Variants in FBXL17 observed in about 807,000 individuals in gnomAD.
FBXL17 encodes the protein F-box/LRR-repeat protein 17.
A neutral mutation model predicts 66.2 loss-of-function variants in FBXL17; 22 were observed. The ratio of observed to expected loss-of-function variants is 0.33; its 90% confidence interval spans 0.24 to 0.47. FBXL17 has a LOEUF of 0.47. Ranked by LOEUF, FBXL17 falls within the 20% of genes least tolerant of loss-of-function variation. FBXL17 has a pLI of 1.00. For synonymous variants in FBXL17, 474 were observed against 400.5 expected (o/e 1.18, Z -2.19); for missense variants, 878 against 948.2 (o/e 0.93, Z 0.97).
chr5:108,077,540 A>G (rs1748599195), intron 6 of FBXL17, among the ~76,000 whole-genome samples: 2 of 151,862 alleles, frequency 1.3e-5, no homozygotes, highest in Non-Finnish European at 2.9e-5. Flanking sequence ...GCATGTGCCT[A>G]TGGTCCCAGC....
intron 5 of FBXL17, among the ~76,000 whole-genome samples, chr5:108,195,728 C>A (rs1753653648): frequency 6.6e-6 from 1 of 152,120 alleles, no homozygotes; most frequent in Admixed American, 6.6e-5. Context: ...GTGACTTGGA[C>A]CACTGTGACA....
chr5:107,876,569 G>C (rs1748620201), intron 8 of FBXL17, among the ~76,000 whole-genome samples: 1 of 152,176 alleles, frequency 6.6e-6, no homozygotes, highest in Non-Finnish European at 1.5e-5. Context: ...CTCGCAAACA[G>C]CCAGCCTGCC....
chr5:107,908,452 T>C (rs72795962), intron 7 of FBXL17, among the ~76,000 whole-genome samples: 212 of 152,292 alleles, frequency 1.4e-3, no homozygotes, highest in Non-Finnish European at 2.5e-3. Flanking sequence ...AAATATATCA[T>C]TTAAAGCTAA....
chr5:108,264,596 A>G (rs1756971200), intron 4 of FBXL17, among the ~76,000 whole-genome samples: 2 of 152,208 alleles, frequency 1.3e-5, no homozygotes, highest in Admixed American at 1.3e-4. Context: ...TCAATTAAAA[A>G]TAAATTAAAA....
intron 6 of FBXL17, among the ~76,000 whole-genome samples, chr5:108,180,731 A>G (rs1752968926): frequency 6.6e-6 from 1 of 152,168 alleles, no homozygotes; most frequent in Non-Finnish European, 1.5e-5. Flanking sequence ...ATTGATATTG[A>G]CAACAACCCT....
chr5:108,293,101 A>C (rs530129017), intron 4 of FBXL17, among the ~76,000 whole-genome samples: 49 of 151,660 alleles, frequency 3.2e-4, no homozygotes, highest in Middle Eastern at 3.4e-3. Context: ...AAAAAAACAA[A>C]AAAAAAAAAA....
intron 7 of FBXL17, among the ~76,000 whole-genome samples, chr5:107,971,031 G>C (rs1752351921): frequency 6.6e-6 from 1 of 152,162 alleles, no homozygotes; most frequent in Non-Finnish European, 1.5e-5. Flanking sequence ...TTGCAACAAT[G>C]TACAGTCAGT....
intron 7 of FBXL17, among the ~76,000 whole-genome samples, chr5:107,941,276 C>A (rs957216174): frequency 1.3e-5 from 2 of 152,128 alleles, no homozygotes; most frequent in African/African-American, 4.8e-5. Flanking sequence ...AAAAGGAAAT[C>A]AACCACTCAT....
Position 108,009,284 on chromosome 5 carries a change from T to TAGATAG in FBXL17, c.1822+11640_1822+11641insCTATCT, listed in dbSNP as rs1191647313. ...TTTTATATATATATATATATATATA[T>TAGATAG]ATATATATATATATATACATATATA... On this transcript the variant is annotated intron_variant, in intron 7 of 8. Coordinates refer to ENST00000542267, the MANE Select transcript of FBXL17 (RefSeq NM_001163315.3). Among the ~76,000 whole-genome samples, 64 of 24,560 alleles carry TAGATAG rather than the reference T, an allele frequency of 2.6e-3. 8 individuals carry two copies. Among genetic ancestry groups the TAGATAG allele is most frequent in the East Asian group, 0.015 (14 of 928 alleles). 16.1% of individuals were successfully genotyped at this position (24,560 alleles called of 152,430 possible).
intron 7 of FBXL17, among the ~76,000 whole-genome samples, chr5:108,002,750 T>C (rs1407973245): frequency 6.6e-6 from 1 of 152,176 alleles, no homozygotes; most frequent in African/African-American, 2.4e-5. Flanking sequence ...CTCAAAATAC[T>C]AATACATGCC....
At chr5:107,927,398 A>G (rs1392269436) in intron 7 of FBXL17, among the ~76,000 whole-genome samples, 1 of 152,174 alleles carries the variant, frequency 6.6e-6, no homozygotes, top group Non-Finnish European at 1.5e-5. Flanking sequence ...TGGATGTTGT[A>G]GACGGCCAAG....
intron 7 of FBXL17, among the ~76,000 whole-genome samples, chr5:108,002,009 T>C (rs762448597): frequency 1.8e-4 from 27 of 152,026 alleles, no homozygotes; most frequent in Non-Finnish European, 3.5e-4. Flanking sequence ...AATTTCAAAT[T>C]GCAAATTTCT....
chr5:108,380,981 A>G lies in FBXL17; in HGVS notation c.711T>C (p.Ala237=). The change falls in exon 1 of 9, where the codon GCT becomes GCC. Residue 237 remains alanine, a synonymous_variant. Coordinates refer to ENST00000542267, the MANE Select transcript of FBXL17 (RefSeq NM_001163315.3). ...CGGCGTCGGGGGGCCGGGGCGGCGA[A>G]GCGCCTCCCCCCGCAGGCCCTCCCC... ...GGGGGPAGGG[A]SPPRPPDAGC... is the part of the protein sequence containing the mutation. The G allele has an allele frequency of 7.4e-6, 9 of 1,214,852 alleles. No individual in the cohort carries two copies. Among genetic ancestry groups the G allele is most frequent in the Non-Finnish European group, 9.2e-6 (9 of 976,594 alleles). 75.3% of individuals were successfully genotyped at this position (1,214,852 alleles called of 1,614,324 possible).
At chr5:108,315,632 A>G (rs1046037513) in intron 4 of FBXL17, among the ~76,000 whole-genome samples, 2 of 150,324 alleles carry the variant, frequency 1.3e-5, no homozygotes, top group South Asian at 4.2e-4. Flanking sequence ...AAAAAGAGAG[A>G]AAAAAAATCC....
At position 108,279,146 on chromosome 5, in the gene FBXL17, C is replaced by T. The variant is rs148879842; in HGVS notation, c.1507-54918G>A. On this transcript the variant is annotated intron_variant, in intron 4 of 8. Coordinates refer to ENST00000542267, the MANE Select transcript of FBXL17 (RefSeq NM_001163315.3). ...AACACTGTTACTGCCATCAACAATGCCATGTCAGCCAACTCAGAGACTCGT... is the reference window on the plus strand; with the variant it reads ...AACACTGTTACTGCCATCAACAATGTCATGTCAGCCAACTCAGAGACTCGT... Among the ~76,000 whole-genome samples, 10 of 152,264 alleles carry T rather than the reference C, an allele frequency of 6.6e-5. No individual in the cohort carries two copies. The East Asian group carries it at 1.9e-3, about 29-fold the overall frequency.
chr5:107,891,824 T>C (rs1343813751), intron 7 of FBXL17, among the ~76,000 whole-genome samples: 1 of 152,190 alleles, frequency 6.6e-6, no homozygotes. Context: ...TATTAATCTT[T>C]GCGTCATCAT....
At chr5:107,899,455 A>G (rs982729529) in intron 7 of FBXL17, among the ~76,000 whole-genome samples, 1 of 152,082 alleles carries the variant, frequency 6.6e-6, no homozygotes, top group African/African-American at 2.4e-5. Context: ...CAGCCTGCGC[A>G]AATAGTGAGA....
chr5:107,980,664 A>ATTTTTTTTTTTTT (rs57472813), intron 7 of FBXL17, among the ~76,000 whole-genome samples: 1 of 62,058 alleles, frequency 1.6e-5, no homozygotes, highest in African/African-American at 1.0e-4. Context: ...ATATATATAT[A>ATTTTTTTTTTTTT]TTTTTTTTTT....
chr5:108,120,416 T>TA (rs965959558), intron 6 of FBXL17, among the ~76,000 whole-genome samples: 18 of 152,044 alleles, frequency 1.2e-4, no homozygotes, highest in Middle Eastern at 3.4e-3. Flanking sequence ...ATGACACAGA[T>TA]AAAAAAAAGC....
Sources: gnomAD v4.1 joint callset for allele counts (sites outside exome capture counted in the v4.1 genomes callset) on GRCh38, gnomAD v4.1.1 for gene constraint, MANE v1.5 for transcripts, NCBI Gene and HGNC (gene_info 2026-07-23, HGNC 2026-07-21) for gene names.